The following VPS13D variants were observed in gnomAD, a reference collection of about 807,000 sequenced individuals.
VPS13D encodes the protein vacuolar protein sorting 13 homolog D.
Under a neutral mutation model 461.9 loss-of-function variants are expected in VPS13D, and 187 were observed. The observed-to-expected ratio is 0.40, with a 90% CI of 0.36 to 0.46. The LOEUF is 0.46. VPS13D is among the 20% of genes least tolerant of loss of function. The probability of loss-of-function intolerance (pLI) is 0.60; values close to 1 mark genes in which losing one functional copy is unlikely to be tolerated. For missense variants in VPS13D, 4,711 were observed against 5,364.9 expected (o/e 0.88, Z 3.81); for synonymous variants, 1,951 against 1,986.3 (o/e 0.98, Z 0.47).
At chr1:12,442,375 C>G (rs928828772) in intron 65 of VPS13D, among the ~76,000 whole-genome samples, 1 of 152,118 alleles carries the variant, frequency 6.6e-6, no homozygotes, top group African/African-American at 2.4e-5. Context: ...TCTAAGTGCT[C>G]TGTAGTGTGT....
chr1:12,317,855 T>A (rs985466661), intron 30 of VPS13D, among the ~76,000 whole-genome samples: 4 of 152,190 alleles, frequency 2.6e-5, no homozygotes, highest in African/African-American at 9.6e-5. Flanking sequence ...CCTTGTTGTT[T>A]AAAAATATGA....
chr1:12,267,984 C>T (rs181197503), intron 15 of VPS13D, 64 bp downstream of exon 15: 1 of 1,383,892 alleles, frequency 7.2e-7, no homozygotes, highest in Admixed American at 1.9e-5. Flanking sequence ...TTCTTTGAGA[C>T]AGGGCCTCGC....
At position 12,260,697 on chromosome 1, in the gene VPS13D, A is replaced by G. The variant is rs1344420625; in HGVS notation, c.1115A>G (p.Glu372Gly). 2 of 1,613,952 alleles carry G rather than the reference A, an allele frequency of 1.2e-6. No homozygotes were observed. The highest frequency in any genetic ancestry group is 3.3e-5 in the Admixed American group (2 of 60,006). The change falls in exon 11 of 70, where the codon GAA (glutamate) becomes GGA (glycine). Residue 372 changes from glutamate to glycine, a missense_variant. Glu to Gly is a moderately conservative substitution (Grantham distance 98). Around this residue, in one of 3 missense-constraint regions of VPS13D, gnomAD observed 4,411 missense variants for 4,937.8 expected, o/e 0.89. Coordinates refer to ENST00000620676, the MANE Select transcript of VPS13D (RefSeq NM_015378.4). ...CTTTTGTTTTCACCCAAACAGGAGG[A>G]AATGTGTCGGATTGAAGAGGAACAG... ...GGLLSTDDKE[E>G]MCRIEEEQSF...
intron 29 of VPS13D, among the ~76,000 whole-genome samples, chr1:12,312,767 A>C (rs1215507819): frequency 6.6e-6 from 1 of 152,136 alleles, no homozygotes; most frequent in African/African-American, 2.4e-5. Flanking sequence ...CTCCCGCCCC[A>C]AAAAGTTGCA....
chr1:12,294,782 A>G (rs1001722046), intron 24 of VPS13D, among the ~76,000 whole-genome samples: 1 of 152,162 alleles, frequency 6.6e-6, no homozygotes, highest in African/African-American at 2.4e-5. Context: ...ACTGCACTCC[A>G]GTCTGGCGAC....
chr1:12,504,466 G>C (rs1428694904), intron 68 of VPS13D, among the ~76,000 whole-genome samples: 1 of 152,234 alleles, frequency 6.6e-6, no homozygotes, highest in African/African-American at 2.4e-5. Flanking sequence ...ACAGAGATCC[G>C]TGTGGAGTGA....
At chr1:12,465,531 C>T (rs1333189858) in intron 67 of VPS13D, among the ~76,000 whole-genome samples, 2 of 152,124 alleles carry the variant, frequency 1.3e-5, no homozygotes, top group Admixed American at 1.3e-4. Context: ...TCGGATTGTG[C>T]ACGTAGATGT....
chr1:12,270,919 G>C, intron 16 of VPS13D, 75 bp from the exon 17 acceptor site: 3 of 1,549,652 alleles, frequency 1.9e-6, no homozygotes, highest in Non-Finnish European at 2.6e-6. Context: ...CATTCTTGGT[G>C]AGAATTGATG....
chr1:12,367,558 A>G (rs1451436424), intron 52 of VPS13D: 1 of 148,914 alleles, frequency 6.7e-6, no homozygotes, highest in Non-Finnish European at 1.5e-5. Context: ...GATGAAATTT[A>G]TTTATTTATT....
At chr1:12,315,215 A>G (rs1235631909) in intron 30 of VPS13D, among the ~76,000 whole-genome samples, 4 of 152,348 alleles carry the variant, frequency 2.6e-5, no homozygotes, top group African/African-American at 9.6e-5. Context: ...ATAAACCACT[A>G]AGTAAAAAGA....
chr1:12,460,436 C>CTAGG, intron 67 of VPS13D, 40 bp downstream of exon 67: 2 of 1,504,974 alleles, frequency 1.3e-6, no homozygotes, highest in Non-Finnish European at 1.8e-6. Flanking sequence ...AGTTTCCAGC[C>CTAGG]TAGGTCTGCT....
Position 12,327,726 on chromosome 1 carries a change from G to T in VPS13D, c.8069G>T (p.Arg2690Leu), listed in dbSNP as rs747457734. Residue 2690 changes from arginine (R) to leucine (L), a missense_variant, in exon 36 of 70, where the codon CGA (arginine) becomes CTA (leucine). By Grantham distance (102) the Arg-to-Leu change is moderately radical. This residue lies in a region of VPS13D where 4,411 missense variants were observed against 4,937.8 expected (regional missense o/e 0.89). Transcript: ENST00000620676. ...LKSLSLASTS[R>L]DSPGAVAAPL... ...TCTCTTTCCTTGGCCTCCACCAGCC[G>T]AGATAGCCCAGGGGCTGTGGCAGCG... 1.9e-6 allele frequency: 3 copies of T among 1,614,032 alleles called. No homozygotes were observed. Among genetic ancestry groups the T allele is most frequent in the Non-Finnish European group, 2.5e-6 (3 of 1,180,038 alleles).
intron 67 of VPS13D, among the ~76,000 whole-genome samples, chr1:12,482,164 T>G (rs1056228718): frequency 6.6e-6 from 1 of 152,196 alleles, no homozygotes; most frequent in African/African-American, 2.4e-5. Context: ...CACGGCCCTG[T>G]TCACCACCAG....
At chr1:12,413,837 G>A (rs1032778127) in intron 63 of VPS13D, among the ~76,000 whole-genome samples, 2 of 151,910 alleles carry the variant, frequency 1.3e-5, no homozygotes, top group East Asian at 3.9e-4. Flanking sequence ...AGAATAGCAA[G>A]GGATCTTGTA....
chr1:12,455,974 T>C (rs377301357), intron 65 of VPS13D, 24 bp from the exon 66 acceptor site: 2 of 1,582,948 alleles, frequency 1.3e-6, no homozygotes, highest in Non-Finnish European at 1.7e-6. Flanking sequence ...TTAAAACTCT[T>C]CTCCTGCTTT....
At chr1:12,310,604 T>C (rs924746691) in intron 27 of VPS13D, among the ~76,000 whole-genome samples, 4 of 152,228 alleles carry the variant, frequency 2.6e-5, no homozygotes, top group Non-Finnish European at 4.4e-5. Context: ...TGTTTGCCTT[T>C]AGTTACCACT....
At chr1:12,417,487 T>G (rs1644809051) in intron 65 of VPS13D, among the ~76,000 whole-genome samples, 1 of 152,226 alleles carries the variant, frequency 6.6e-6, no homozygotes, top group Non-Finnish European at 1.5e-5. Flanking sequence ...TTTTTTCTCT[T>G]CCTTTCATCT....
intron 16 of VPS13D, among the ~76,000 whole-genome samples, chr1:12,270,049 G>T (rs1438619975): frequency 5.3e-5 from 8 of 152,172 alleles, no homozygotes; most frequent in Admixed American, 5.2e-4. Flanking sequence ...CAGCTACTCG[G>T]GAGGCTGAGG....
chr1:12,329,588 G>A (rs1643278973), intron 36 of VPS13D, among the ~76,000 whole-genome samples: 2 of 152,210 alleles, frequency 1.3e-5, no homozygotes. Context: ...AGGCAAATGA[G>A]GTACTTGCCT....
Sources: allele counts gnomAD v4.1 joint callset (sites outside exome capture counted in the v4.1 genomes callset), GRCh38; gene constraint gnomAD v4.1.1; regional missense constraint gnomAD v4.1.1; transcripts MANE v1.5; gene names NCBI Gene and HGNC (gene_info 2026-07-23, HGNC 2026-07-21).